SUPT6H: variants seen among roughly 807,000 people sequenced by gnomAD.
SUPT6H encodes transcription elongation factor SPT6.
In SUPT6H, 11 loss-of-function variants were observed where a neutral mutation model predicts 222.3. The ratio of observed to expected loss-of-function variants is 0.05; its 90% CI spans 0.03 to 0.08. The LOEUF is 0.08. SUPT6H is among the 10% of genes least tolerant of loss of function. The probability of loss-of-function intolerance (pLI) is 1.00; values close to 1 mark genes in which losing one functional copy is unlikely to be tolerated. For missense variants in SUPT6H, 1,422 were observed against 2,216.0 expected (o/e 0.64, Z 7.19); for synonymous variants, 762 against 801.2 (o/e 0.95, Z 0.83).
intron 1 of SUPT6H, among the ~76,000 whole-genome samples, chr17:28,663,313 C>T (rs1243942695): frequency 6.6e-6 from 1 of 152,132 alleles, no homozygotes; most frequent in Non-Finnish European, 1.5e-5. Context: ...GAGTAATGTC[C>T]CTTTCACCAG....
rs572931141 is a variant in SUPT6H, at chr17:28,682,036, C to T, written c.1597+56C>T. The T allele has an allele frequency of 2.8e-6, 4 of 1,453,250 alleles. No homozygotes were observed. The African/African-American group carries it at 4.2e-5, about 15-fold the overall frequency. The allele number at this position is 1,453,250 out of a possible 1,614,324, so 90.0% of individuals were successfully genotyped here. A position where few individuals can be genotyped will look rare whatever the true frequency, so the allele number is the denominator to read the frequency against. ...TTCTAGCCTGAGCAAGGGGAGTTAC[C>T]CAGAAAAAAGACTGGTAGGTAGGAA... On this transcript the variant is annotated intron_variant, in intron 13 of 36. Transcript: ENST00000314616.
intron 11 of SUPT6H, among the ~76,000 whole-genome samples, chr17:28,680,698 T>C (rs2031054196): frequency 6.6e-6 from 1 of 152,166 alleles, no homozygotes; most frequent in South Asian, 2.1e-4. Flanking sequence ...GTCGCCCAGG[T>C]TGGAGCGCAG....
chr17:28,663,042 G>C (rs1163552485), intron 1 of SUPT6H, among the ~76,000 whole-genome samples: 4 of 152,138 alleles, frequency 2.6e-5, no homozygotes, highest in Non-Finnish European at 5.9e-5. Context: ...TGCAAGAACT[G>C]ATACTTATTT....
At chr17:28,699,091 A>G (rs895604822) in intron 32 of SUPT6H, among the ~76,000 whole-genome samples, 4 of 152,234 alleles carry the variant, frequency 2.6e-5, no homozygotes, top group Admixed American at 1.3e-4. Context: ...ACTGTGTACT[A>G]TGTAGCATTA....
chr17:28,674,246 T>G, intron 2 of SUPT6H, 37 bp from the exon 3 acceptor site: 1 of 1,612,738 alleles, frequency 6.2e-7, no homozygotes, highest in Non-Finnish European at 8.5e-7. Flanking sequence ...CTAGCCTGTT[T>G]TTCAGTCTCC....
intron 29 of SUPT6H, 22 bp downstream of exon 29, chr17:28,695,569 T>C (rs1360278625): frequency 6.2e-7 from 1 of 1,606,044 alleles, no homozygotes; most frequent in East Asian, 2.2e-5. Flanking sequence ...TCCCACCATC[T>C]CTGTGCACCC....
chr17:28,664,759 T>G (rs2029916475), intron 1 of SUPT6H, among the ~76,000 whole-genome samples: 1 of 152,244 alleles, frequency 6.6e-6, no homozygotes. Flanking sequence ...TTTGGTTTTC[T>G]CATCATTGCA....
At position 28,699,891 on chromosome 17, in the gene SUPT6H, C is replaced by T; in HGVS notation, c.4559C>T (p.Pro1520Leu). 6.2e-7 allele frequency: 1 copy of T among 1,613,388 alleles called. No homozygotes were observed. Among genetic ancestry groups the T allele is most frequent in the Non-Finnish European group, 8.5e-7 (1 of 1,179,414 alleles). ...AAGGATCACTACCAGGATCCTGTACCAGGTGAGTTCTGCTCTTCCTGACTT... is the reference window on the plus strand; with the variant it reads ...AAGGATCACTACCAGGATCCTGTACTAGGTGAGTTCTGCTCTTCCTGACTT... The part of the protein sequence containing the change: ...WFKDHYQDPV[P>L]GITPSSSSRT... Residue 1520 changes from proline to leucine, a missense_variant and splice_region_variant, in exon 33 of 37, where the codon CCA becomes CTA. By Grantham distance (98) the Pro-to-Leu change is moderately conservative (BLOSUM62 -3). Around this residue, in one of 13 missense-constraint regions of SUPT6H, gnomAD observed 395 missense variants for 580.6 expected, o/e 0.68. Transcript: ENST00000314616.
In SUPT6H at chr17:28,693,731, C is replaced by A. The variant is rs976000601; in HGVS notation, c.3669C>A (p.Gly1223=). The change falls in exon 28 of 37, where the codon GGC becomes GGA. Residue 1223 remains glycine, a synonymous_variant. Transcript: ENST00000314616. ...WNHFDSGSCP[G]QAIGVKTRLD... is the part of the protein sequence containing the mutation. ...ACTTTGACAGCGGTTCGTGCCCAGG[C>A]CAGGCCATCGGTGTCAAAACACGGC... 2.5e-6 allele frequency: 4 copies of A among 1,614,116 alleles called. No homozygotes were observed. In the South Asian group the frequency reaches 4.4e-5, roughly 18 times the overall value.
intron 27 of SUPT6H, chr17:28,691,331 G>C (rs1487087065): frequency 1.7e-4 from 63 of 365,880 alleles, no homozygotes; most frequent in Non-Finnish European, 1.3e-4. Flanking sequence ...TTCGAGACCA[G>C]CCTGGCCAAG....
intron 12 of SUPT6H, 73 bp from the exon 13 acceptor site, chr17:28,681,809 C>T: frequency 7.4e-7 from 1 of 1,356,432 alleles, no homozygotes; most frequent in Non-Finnish European, 1.0e-6. Context: ...TTTGAGGCTT[C>T]TCTCCTAATG....
In SUPT6H at chr17:28,692,781, C is replaced by A. The variant is rs186881717; in HGVS notation, c.3634-915C>A. On this transcript the variant is annotated intron_variant, in intron 27 of 36. Coordinates refer to ENST00000314616, the MANE Select transcript of SUPT6H (RefSeq NM_003170.5). The stretch of plus-strand genomic sequence containing the variant: ...CTTTGGGAGGCCAAGGTAGGTGGAT[C>A]ACGAGGTCAGGAGATCGAGGCCATC... 5.0e-3 allele frequency among the ~76,000 whole-genome samples: 743 copies of A among 147,782 alleles called. 77 individuals are homozygous for A. The highest frequency in any genetic ancestry group is 0.018 in the African/African-American group (698 of 39,718).
At position 28,693,794 on chromosome 17, in the gene SUPT6H, C is replaced by T; in HGVS notation, c.3732C>T (p.Phe1244=). The change falls in exon 28 of 37, where the codon TTC becomes TTT. Residue 1244 remains phenylalanine, a synonymous_variant. Transcript: ENST00000314616. ...TCACCGGCTTCATCCCCACCAAATT[C>T]CTCAGTGACAAAGTGGTAAAGCGGC... ...NGVTGFIPTK[F]LSDKVVKRPE... 2 of 1,614,190 alleles carry T rather than the reference C, an allele frequency of 1.2e-6. No individual in the cohort carries two copies. The highest frequency in any genetic ancestry group is 1.7e-6 in the Non-Finnish European group (2 of 1,180,030).
intron 1 of SUPT6H, among the ~76,000 whole-genome samples, chr17:28,663,827 C>CTTTTTTTTTTT (rs1567681347): frequency 8.3e-4 from 7 of 8,408 alleles, no homozygotes; most frequent in African/African-American, 2.3e-3. Flanking sequence ...CTGCCCACTC[C>CTTTTTTTTTTT]ATTTTTTTTT....
At chr17:28,700,646 T>G in intron 35 of SUPT6H, 134 bp downstream of exon 35, 1 of 1,251,352 alleles carries the variant, frequency 8.0e-7, no homozygotes, top group Non-Finnish European at 1.1e-6. Context: ...CAGATATTTC[T>G]TGTCCTTAGG....
chr17:28,699,837 C>T lies in SUPT6H; in HGVS notation c.4505C>T (p.Pro1502Leu). ...EGFRYRGQIF[P>L]TVNGLFRWFK... Reference sequence around the variant, plus strand: ...TTCCGGTACCGGGGCCAGATCTTCCCAACCGTGAATGGACTGTTTAGATGG... The same window carrying T: ...TTCCGGTACCGGGGCCAGATCTTCCTAACCGTGAATGGACTGTTTAGATGG... Residue 1502 changes from proline (P) to leucine (L), a missense_variant, in exon 33 of 37, where the codon CCA becomes CTA. Coordinates refer to ENST00000314616, the MANE Select transcript of SUPT6H (RefSeq NM_003170.5). The T allele has an allele frequency of 6.2e-7, 1 of 1,614,224 alleles. No homozygotes were observed. Among genetic ancestry groups the T allele is most frequent in the Non-Finnish European group, 8.5e-7 (1 of 1,180,038 alleles).
chr17:28,667,259 T>C (rs893102730), intron 1 of SUPT6H, among the ~76,000 whole-genome samples: 1 of 146,026 alleles, frequency 6.8e-6, no homozygotes, highest in Non-Finnish European at 1.5e-5. Context: ...TAGTCCCAGC[T>C]GCTTGGGAGG....
At position 28,691,030 on chromosome 17, in the gene SUPT6H, C is replaced by T. The variant is rs1439922089; in HGVS notation, c.3600C>T (p.Phe1200=). Residue 1200 remains phenylalanine (F), a synonymous_variant, in exon 27 of 37, where the codon TTC becomes TTT. Coordinates refer to ENST00000314616, the MANE Select transcript of SUPT6H (RefSeq NM_003170.5). ...AGACAGGGCTGTGGCAGTGCCCCTTCTGTCAGCAGGACAATTTCCCTGAAC... is the reference window on the plus strand; with the variant it reads ...AGACAGGGCTGTGGCAGTGCCCCTTTTGTCAGCAGGACAATTTCCCTGAAC... ...NDETGLWQCP[F]CQQDNFPELS... is the part of the protein sequence containing the mutation. 1 of 1,613,962 alleles carries T rather than the reference C, an allele frequency of 6.2e-7. No individual in the cohort carries two copies. Among genetic ancestry groups the T allele is most frequent in the Non-Finnish European group, 8.5e-7 (1 of 1,180,022 alleles).
At chr17:28,695,323 C>T in intron 28 of SUPT6H, 29 bp from the exon 29 acceptor site, 3 of 1,603,302 alleles carry the variant, frequency 1.9e-6, no homozygotes, top group Non-Finnish European at 2.6e-6. Context: ...ATCTTTGTCC[C>T]TTCCAGCTCA....
Sources: allele counts gnomAD v4.1 joint callset (sites outside exome capture counted in the v4.1 genomes callset), GRCh38; gene constraint gnomAD v4.1.1; regional missense constraint gnomAD v4.1.1; transcripts MANE v1.5; gene names NCBI Gene and HGNC (gene_info 2026-07-23, HGNC 2026-07-21).